Variants in GPHN observed in about 807,000 individuals in gnomAD.
GPHN encodes gephyrin.
In GPHN, 17 loss-of-function variants were observed where a neutral mutation model predicts 95.5. That is an observed-to-expected ratio of 0.18 (90% CI 0.12 to 0.27). GPHN has a LOEUF of 0.27. Ranked by LOEUF, GPHN falls within the 10% of genes least tolerant of loss-of-function variation. The pLI is 1.00. For missense variants in GPHN, 660 were observed against 978.1 expected, an observed-to-expected ratio of 0.67 and a Z score of 4.34; for synonymous variants, 320 against 322.5, an observed-to-expected ratio of 0.99 and a Z score of 0.08.
the GPHN span, among the ~76,000 whole-genome samples, chr14:67,450,519 T>C: frequency 6.6e-6 from 1 of 152,138 alleles, no homozygotes; most frequent in African/African-American, 2.4e-5. Context: ...CAGATGGAAA[T>C]GAGGAACTTG....
At chr14:66,758,211 C>G (rs2058635454) in intron 2 of GPHN, among the ~76,000 whole-genome samples, 1 of 152,186 alleles carries the variant, frequency 6.6e-6, no homozygotes, top group African/African-American at 2.4e-5. Flanking sequence ...AGTTATCGAT[C>G]CAGTCCAAAG....
At chr14:67,188,801 C>CCTTT in the GPHN span, among the ~76,000 whole-genome samples, 3 of 151,590 alleles carry the variant, frequency 2.0e-5, no homozygotes, top group African/African-American at 7.3e-5. Flanking sequence ...TTCCTTCCTT[C>CCTTT]CTTCTTCCTT....
intron 8 of GPHN, among the ~76,000 whole-genome samples, chr14:66,946,539 G>C (rs111490393): frequency 6.6e-6 from 1 of 152,050 alleles, no homozygotes; most frequent in Non-Finnish European, 1.5e-5. Context: ...CTGAGTAGCT[G>C]GGATTACAAG....
In GPHN at chr14:66,774,738, A is replaced by G. The variant is rs148978881; in HGVS notation, c.144-1726A>G. On this transcript the variant is annotated intron_variant, in intron 2 of 22. Transcript: ENST00000478722. ...TATATATGATTTCCATAATTATATTATTGTTCAAATAGAGCAAATCAAAGG... is the reference window on the plus strand; with the variant it reads ...TATATATGATTTCCATAATTATATTGTTGTTCAAATAGAGCAAATCAAAGG... Among the ~76,000 whole-genome samples the G allele has an allele frequency of 2.4e-3, 370 of 152,290 alleles. 1 individual carries two copies. The highest frequency in any genetic ancestry group is 3.8e-3 in the Non-Finnish European group (261 of 68,006).
chr14:67,708,545 T>G, the GPHN span, among the ~76,000 whole-genome samples: 2 of 152,174 alleles, frequency 1.3e-5, no homozygotes, highest in African/African-American at 2.4e-5. Flanking sequence ...ACAAGGAAAT[T>G]TGTTATCTCT....
intron 5 of GPHN, among the ~76,000 whole-genome samples, chr14:66,892,384 C>T (rs1035314707): frequency 5.9e-5 from 9 of 152,196 alleles, no homozygotes; most frequent in African/African-American, 2.2e-4. Context: ...GATCATGCCA[C>T]TGCATTCCAG....
At chr14:67,627,068 CT>C in the GPHN span, among the ~76,000 whole-genome samples, 2 of 152,110 alleles carry the variant, frequency 1.3e-5, no homozygotes, top group Non-Finnish European at 2.9e-5. Context: ...CTGGGAATGA[CT>C]GCTAAAGGGC....
At chr14:66,831,963 A>G (rs1157552866) in intron 4 of GPHN, among the ~76,000 whole-genome samples, 5 of 152,108 alleles carry the variant, frequency 3.3e-5, no homozygotes, top group African/African-American at 7.2e-5. Context: ...CCTGGCCAAC[A>G]TGGTGAAACC....
chr14:66,838,699 A>G (rs1047215526), intron 4 of GPHN, among the ~76,000 whole-genome samples: 1 of 152,180 alleles, frequency 6.6e-6, no homozygotes, highest in Non-Finnish European at 1.5e-5. Flanking sequence ...TGAAGATTTC[A>G]GGATATTCCT....
chr14:67,609,061 C>T, the GPHN span, among the ~76,000 whole-genome samples: 547 of 152,184 alleles, frequency 3.6e-3, 5 homozygotes, highest in African/African-American at 0.013. Context: ...ATTGCAAGTC[C>T]GAGCTTCTGG....
intron 19 of GPHN, among the ~76,000 whole-genome samples, chr14:67,161,484 G>A (rs111949897): frequency 0.02 from 3,000 of 151,922 alleles, 110 homozygotes; most frequent in African/African-American, 0.067. Context: ...GAATTGGGCC[G>A]AGTGCAGTGG....
intron 8 of GPHN, among the ~76,000 whole-genome samples, chr14:66,954,591 C>T (rs571546924): frequency 4.6e-5 from 7 of 152,226 alleles, no homozygotes; most frequent in African/African-American, 1.7e-4. Flanking sequence ...AGTTCTACGT[C>T]CTTTCCAATT....
intron 12 of GPHN, among the ~76,000 whole-genome samples, chr14:67,089,813 A>G (rs556114428): frequency 1.3e-5 from 2 of 152,314 alleles, no homozygotes; most frequent in African/African-American, 4.8e-5. Flanking sequence ...CTGAGATTGC[A>G]TAAAGCTTAA....
intron 1 of GPHN, among the ~76,000 whole-genome samples, chr14:66,654,392 T>C (rs188490776): frequency 2.6e-5 from 4 of 152,222 alleles, no homozygotes; most frequent in Non-Finnish European, 4.4e-5. Flanking sequence ...ACCACGCCTG[T>C]TCTTATTATG....
chr14:66,939,784 G>T (rs1466807887), intron 8 of GPHN, among the ~76,000 whole-genome samples: 1 of 152,168 alleles, frequency 6.6e-6, no homozygotes, highest in African/African-American at 2.4e-5. Context: ...GCTGGTAAGG[G>T]GCACTGTTTT....
chr14:67,504,068 C>T, the GPHN span, among the ~76,000 whole-genome samples: 2 of 151,514 alleles, frequency 1.3e-5, no homozygotes, highest in African/African-American at 2.4e-5. Flanking sequence ...GGCTGGAGTG[C>T]AGTCGTGCGA....
Position 67,110,060 on chromosome 14 carries a change from T to TA in GPHN, c.1294-73dup, listed in dbSNP as rs550214938. The TA allele has an allele frequency of 1.1e-4, 138 of 1,237,994 alleles. 1 individual carries two copies. The African/African-American group carries it at 1.6e-3, about 14-fold the overall frequency. 76.7% of individuals were successfully genotyped at this position (1,237,994 alleles called of 1,614,324 possible). On this transcript the variant is annotated intron_variant, in intron 13 of 22. Coordinates refer to ENST00000478722, the MANE Select transcript of GPHN (RefSeq NM_020806.5). Reference sequence around the variant, plus strand: ...TCTTTTATGGTTTATTTTTTAATATTAAAAAAATTAACATCCTCTGCAGAC... The same window carrying TA: ...TCTTTTATGGTTTATTTTTTAATATTAAAAAAAATTAACATCCTCTGCAGAC...
At chr14:66,795,850 C>G (rs1566953731) in intron 3 of GPHN, among the ~76,000 whole-genome samples, 1 of 152,102 alleles carries the variant, frequency 6.6e-6, no homozygotes, top group Non-Finnish European at 1.5e-5. Context: ...CAATTATACT[C>G]TTTTAGTTAT....
chr14:66,727,475 A>G (rs1370333341), intron 2 of GPHN, among the ~76,000 whole-genome samples: 1 of 152,240 alleles, frequency 6.6e-6, no homozygotes, highest in Non-Finnish European at 1.5e-5. Context: ...GGAAGTCCCT[A>G]GAGACTCGTT....
Sources: allele counts gnomAD v4.1 joint callset (sites outside exome capture counted in the v4.1 genomes callset), GRCh38; gene constraint gnomAD v4.1.1; transcripts MANE v1.5; gene names NCBI Gene and HGNC (gene_info 2026-07-23, HGNC 2026-07-21).